SCN8A: variants seen among roughly 807,000 people sequenced by gnomAD.
SCN8A encodes sodium channel protein type 8 subunit alpha.
Under a neutral mutation model 184.1 loss-of-function variants are expected in SCN8A, and 30 were observed. The ratio of observed to expected loss-of-function variants is 0.16; its 90% CI spans 0.12 to 0.22. The LOEUF is 0.22. Ranked by LOEUF, SCN8A falls within the 10% of genes least tolerant of loss-of-function variation. SCN8A has a pLI of 1.00. For missense variants in SCN8A, 1,057 were observed against 2,498.9 expected (o/e 0.42, Z 12.30); for synonymous variants, 852 against 907.0 (o/e 0.94, Z 1.09).
At chr12:51,694,903 G>A (rs1941568747) in intron 6 of SCN8A, among the ~76,000 whole-genome samples, 2 of 152,136 alleles carry the variant, frequency 1.3e-5, no homozygotes, top group African/African-American at 2.4e-5. Context: ...TGAATTGATG[G>A]CATCATCTCC....
intron 1 of SCN8A, among the ~76,000 whole-genome samples, chr12:51,618,875 C>T (rs929533805): frequency 1.3e-5 from 2 of 152,114 alleles, no homozygotes; most frequent in African/African-American, 4.8e-5. Flanking sequence ...ATGCCCTCTC[C>T]TCCTCCTTTT....
chr12:51,706,637 G>A lies in SCN8A; in HGVS notation c.1557G>A (p.Glu519=). 1 of 1,607,988 alleles carries A rather than the reference G, an allele frequency of 6.2e-7. No individual in the cohort carries two copies. The highest frequency in any genetic ancestry group is 8.5e-7 in the Non-Finnish European group (1 of 1,177,182). The stretch of plus-strand genomic sequence containing the variant: ...ATCCCGAGAAGGTGTTTAAGTCAGA[G>A]TCAGAAGATGGCATGAGAAGGAAGG... The part of the protein sequence containing the change: ...KGDPEKVFKS[E]SEDGMRRKAF... Residue 519 remains glutamate (E), a synonymous_variant, in exon 11 of 27, where the codon GAG becomes GAA. Transcript: ENST00000627620.
In SCN8A at chr12:51,758,984, A is replaced by ATGTG. The variant is rs199584412; in HGVS notation, c.2371-3505_2371-3502dup. ...TATACACATACATGTATGTATGTAT[A>ATGTG]TGTGTGTGTGTGTGTGTATATATAT... is the stretch of plus-strand genomic sequence containing the variant. On this transcript the variant is annotated intron_variant, in intron 14 of 26. Coordinates refer to ENST00000627620, the MANE Select transcript of SCN8A (RefSeq NM_001330260.2). Among the ~76,000 whole-genome samples, 1,382 of 150,068 alleles carry ATGTG rather than the reference A, an allele frequency of 9.2e-3. 30 individuals carry two copies. Among genetic ancestry groups the ATGTG allele is most frequent in the African/African-American group, 0.032 (1,288 of 40,578 alleles).
intron 5 of SCN8A, chr12:51,688,774 G>T: frequency 2.5e-6 from 4 of 1,613,670 alleles, no homozygotes; most frequent in Non-Finnish European, 3.4e-6. Context: ...AACAGAGTTT[G>T]TAAACCTAGG....
At chr12:51,752,567 A>C (rs771147478) in intron 14 of SCN8A, among the ~76,000 whole-genome samples, 9 of 152,190 alleles carry the variant, frequency 5.9e-5, no homozygotes, top group Non-Finnish European at 1.0e-4. Flanking sequence ...CCTGGTATAC[A>C]TCCAAGATGA....
At chr12:51,789,097 C>T (rs1002148052) in intron 23 of SCN8A, among the ~76,000 whole-genome samples, 184 bp from the exon 24 acceptor site, 12 of 152,126 alleles carry the variant, frequency 7.9e-5, no homozygotes, top group African/African-American at 2.2e-4. Flanking sequence ...AGTCAGAGGA[C>T]GACTAGTGTC....
At chr12:51,780,107 A>G (rs1320150577) in intron 20 of SCN8A, 1 of 351,612 alleles carries the variant, frequency 2.8e-6, no homozygotes, top group East Asian at 9.4e-5. Context: ...CCAGGAGTAA[A>G]AGAGCTTGTC....
intron 1 of SCN8A, among the ~76,000 whole-genome samples, chr12:51,632,760 T>C (rs17125929): frequency 0.2 from 30,474 of 152,182 alleles, 3,589 homozygotes; most frequent in East Asian, 0.48. Context: ...TGAGTACACT[T>C]GAAGCCTGAG....
chr12:51,775,403 T>C (rs1332638383), intron 20 of SCN8A, among the ~76,000 whole-genome samples: 1 of 152,204 alleles, frequency 6.6e-6, no homozygotes, highest in Admixed American at 6.5e-5. Flanking sequence ...TCTTTTCCAA[T>C]ACATTGTCTG....
intron 6 of SCN8A, among the ~76,000 whole-genome samples, chr12:51,694,668 T>A (rs1427184558): frequency 6.6e-6 from 1 of 152,148 alleles, no homozygotes; most frequent in Non-Finnish European, 1.5e-5. Context: ...GGATAATTGG[T>A]TTTCAGTCAG....
chr12:51,686,609 A>G (rs1479886441), intron 4 of SCN8A, among the ~76,000 whole-genome samples, 152 bp downstream of exon 4: 1 of 152,196 alleles, frequency 6.6e-6, no homozygotes, highest in African/African-American at 2.4e-5. Flanking sequence ...TGTGGAATTT[A>G]GGAAATAGCC....
intron 13 of SCN8A, 108 bp from the exon 14 acceptor site, chr12:51,751,247 A>T (rs1942589335): frequency 1.3e-6 from 1 of 774,584 alleles, no homozygotes; most frequent in Middle Eastern, 3.5e-4. Context: ...CGCTCAAAAC[A>T]ACCTTGATTC....
chr12:51,673,447 A>G (rs1398456589), intron 2 of SCN8A, among the ~76,000 whole-genome samples: 2 of 152,210 alleles, frequency 1.3e-5, no homozygotes, highest in Non-Finnish European at 2.9e-5. Context: ...CCATACCTTC[A>G]GCATGGTATC....
chr12:51,682,882 C>T (rs573604265), intron 2 of SCN8A, among the ~76,000 whole-genome samples: 1 of 152,196 alleles, frequency 6.6e-6, no homozygotes, highest in Non-Finnish European at 1.5e-5. Flanking sequence ...CTGGTCAATT[C>T]CCTAAAAAAA....
chr12:51,723,222 A>C (rs554061664), intron 12 of SCN8A: 1 of 152,264 alleles, frequency 6.6e-6, no homozygotes, highest in East Asian at 1.9e-4. Context: ...AGTGGCTCGC[A>C]CCTGTAATCC....
intron 1 of SCN8A, among the ~76,000 whole-genome samples, chr12:51,618,315 T>C (rs1017911289): frequency 1.3e-5 from 2 of 151,984 alleles, no homozygotes; most frequent in Non-Finnish European, 2.9e-5. Flanking sequence ...ATTTTCTCCC[T>C]TCCCTTTCGT....
chr12:51,663,659 A>G (rs901906647), intron 2 of SCN8A, among the ~76,000 whole-genome samples: 3 of 152,170 alleles, frequency 2.0e-5, no homozygotes, highest in South Asian at 2.1e-4. Context: ...CTTGCAGTAG[A>G]GTCAATTCTG....
rs537290350 is a variant in SCN8A at position 51,644,937 on chromosome 12, G to A, written c.-54-17827G>A. Among the ~76,000 whole-genome samples the A allele has an allele frequency of 9.9e-5, 15 of 151,006 alleles. No individual in the cohort carries two copies. In the South Asian group the frequency reaches 1.7e-3, roughly 17 times the overall value. ...CCTCCGCCCGGCAGCCGCCCTGTCT[G>A]AGAAGTGAGGAGCCCCTCCGCCCAG... On this transcript the variant is annotated intron_variant, in intron 1 of 26. Coordinates refer to ENST00000627620, the MANE Select transcript of SCN8A (RefSeq NM_001330260.2).
intron 1 of SCN8A, among the ~76,000 whole-genome samples, chr12:51,624,563 G>C (rs1397658620): frequency 1.3e-5 from 2 of 151,856 alleles, no homozygotes; most frequent in Non-Finnish European, 2.9e-5. Context: ...TCTGTAGGTT[G>C]CCTGTTCACT....
Sources: gnomAD v4.1 joint callset for allele counts (sites outside exome capture counted in the v4.1 genomes callset) on GRCh38, gnomAD v4.1.1 for gene constraint, MANE v1.5 for transcripts, NCBI Gene and HGNC (gene_info 2026-07-23, HGNC 2026-07-21) for gene names.